DNAH14: variants seen among roughly 807,000 people sequenced by gnomAD.
DNAH14 encodes axonemal beta dynein heavy chain 14.
DNAH14 carries 478 observed loss-of-function variants against 520.9 expected under a neutral mutation model. That is an observed-to-expected ratio of 0.92 (90% confidence interval 0.85 to 0.99). The LOEUF (loss-of-function observed/expected upper bound fraction) is 0.99, where lower values mean the gene tolerates loss of function less well. DNAH14 is among the 50% of genes least tolerant of loss of function. The pLI, the probability that DNAH14 is intolerant of heterozygous loss-of-function variation, is 0.00. For synonymous variants in DNAH14, 1,581 were observed against 1,757.2 expected (o/e 0.90, Z 2.51); for missense variants, 4,831 against 5,234.5 (o/e 0.92, Z 2.38).
At chr1:225,099,843 A>G (rs2075300377) in intron 22 of DNAH14, among the ~76,000 whole-genome samples, 2 of 152,156 alleles carry the variant, frequency 1.3e-5, no homozygotes, top group African/African-American at 4.8e-5. Context: ...GAGGGCATGC[A>G]AGAGGCAAAA....
chr1:225,252,992 A>G (rs2092610427), intron 44 of DNAH14, among the ~76,000 whole-genome samples: 1 of 152,164 alleles, frequency 6.6e-6, no homozygotes, highest in African/African-American at 2.4e-5. Context: ...AAATATTAGA[A>G]ATTTAATAAA....
At chr1:225,029,737 TAA>T (rs34565068) in intron 11 of DNAH14, among the ~76,000 whole-genome samples, 6 of 151,906 alleles carry the variant, frequency 3.9e-5, no homozygotes, top group African/African-American at 1.2e-4. Context: ...AAGTCATCCC[TAA>T]AAAGTGTATC....
At chr1:225,047,383 A>G (rs1347160468) in intron 15 of DNAH14, among the ~76,000 whole-genome samples, 2 of 152,200 alleles carry the variant, frequency 1.3e-5, no homozygotes, top group East Asian at 1.9e-4. Flanking sequence ...GACAGACCAC[A>G]TGGTAGTCCC....
At chr1:225,105,517 G>A (rs898274113) in intron 23 of DNAH14, among the ~76,000 whole-genome samples, 2 of 152,214 alleles carry the variant, frequency 1.3e-5, no homozygotes, top group African/African-American at 4.8e-5. Flanking sequence ...TTGTGTGGGA[G>A]TCTAAGTCTC....
At chr1:224,974,506 A>G (rs1331428266) in intron 8 of DNAH14, among the ~76,000 whole-genome samples, 1 of 152,224 alleles carries the variant, frequency 6.6e-6, no homozygotes, top group East Asian at 1.9e-4. Context: ...TGTTTTTATT[A>G]AACTTTTTAT....
intron 76 of DNAH14, among the ~76,000 whole-genome samples, chr1:225,365,739 C>T (rs1340389078): frequency 1.3e-5 from 2 of 150,512 alleles, no homozygotes; most frequent in African/African-American, 4.9e-5. Flanking sequence ...ACCATGCTCT[C>T]AGACAGCCTT....
chr1:225,206,669 C>G (rs1207086770), intron 40 of DNAH14, among the ~76,000 whole-genome samples: 1 of 152,180 alleles, frequency 6.6e-6, no homozygotes, highest in African/African-American at 2.4e-5. Flanking sequence ...ATGAATAAAT[C>G]TAAGTATAGG....
intron 36 of DNAH14, among the ~76,000 whole-genome samples, chr1:225,182,715 C>T (rs1460626372): frequency 2.0e-5 from 3 of 152,086 alleles, no homozygotes; most frequent in South Asian, 2.1e-4. Flanking sequence ...GGCCCTGCCA[C>T]GATAAAAGAC....
chr1:224,988,258 T>C (rs2062790449), intron 8 of DNAH14, among the ~76,000 whole-genome samples: 1 of 152,210 alleles, frequency 6.6e-6, no homozygotes, highest in South Asian at 2.1e-4. Context: ...TGCATAGTAT[T>C]CCGTGGTGTA....
chr1:225,207,266 TC>T (rs780886361), intron 41 of DNAH14, 46 bp downstream of exon 41: 17 of 1,423,716 alleles, frequency 1.2e-5, no homozygotes, highest in Non-Finnish European at 1.6e-5. Flanking sequence ...TCTTAGCTAG[TC>T]AATGCTAATT....
At chr1:225,229,166 A>G (rs2090850503) in intron 41 of DNAH14, among the ~76,000 whole-genome samples, 1 of 152,214 alleles carries the variant, frequency 6.6e-6, no homozygotes, top group African/African-American at 2.4e-5. Flanking sequence ...TCTCATCTGC[A>G]GTGCTGAGCC....
In DNAH14 at chr1:225,060,419, T is replaced by A. The variant is rs540035280; in HGVS notation, c.2424+8624T>A. ...TTATTCTAGTTAGCCATTTGTCTAA[T>A]TTTTTTTCAAGGGTTTTAACTTCTT... On this transcript the variant is annotated intron_variant, in intron 17 of 85. Coordinates refer to ENST00000682510, the MANE Select transcript of DNAH14 (RefSeq NM_001367479.1). 7.9e-5 allele frequency among the ~76,000 whole-genome samples: 12 copies of A among 152,092 alleles called. No individual in the cohort carries two copies. The East Asian group carries it at 2.3e-3, about 29-fold the overall frequency.
chr1:225,063,095 A>G (rs547466455), intron 17 of DNAH14, among the ~76,000 whole-genome samples: 1 of 150,684 alleles, frequency 6.6e-6, no homozygotes, highest in South Asian at 2.1e-4. Flanking sequence ...TTAAATGAAA[A>G]CATGAACATA....
intron 9 of DNAH14, among the ~76,000 whole-genome samples, chr1:225,004,049 G>A (rs2063973763): frequency 6.6e-6 from 1 of 152,014 alleles, no homozygotes; most frequent in East Asian, 1.9e-4. Flanking sequence ...GAGACCTCAG[G>A]CCATGTCAGC....
intron 23 of DNAH14, among the ~76,000 whole-genome samples, chr1:225,105,255 T>C (rs2075927330): frequency 6.6e-6 from 1 of 152,166 alleles, no homozygotes; most frequent in South Asian, 2.1e-4. Context: ...GAGAGACAGT[T>C]TGTTATAATT....
chr1:225,012,345 G>A (rs1364711167), intron 10 of DNAH14, among the ~76,000 whole-genome samples: 1 of 152,022 alleles, frequency 6.6e-6, no homozygotes, highest in East Asian at 1.9e-4. Context: ...GCTTCCCTTT[G>A]CAGGTAACTC....
chr1:225,352,805 T>A (rs1469454864), intron 72 of DNAH14, among the ~76,000 whole-genome samples: 1 of 152,116 alleles, frequency 6.6e-6, no homozygotes, highest in Non-Finnish European at 1.5e-5. Context: ...TATAGTCAAT[T>A]ATGTCTATTT....
At chr1:225,211,955 G>A (rs890187092) in intron 41 of DNAH14, among the ~76,000 whole-genome samples, 3 of 151,096 alleles carry the variant, frequency 2.0e-5, no homozygotes, top group South Asian at 2.1e-4. Context: ...TGTGCACAAC[G>A]TGCAGGTTTG....
rs187826421 is a variant in DNAH14, at chr1:224,978,685, C to T, written c.830+4532C>T. ...AGACAGAGTCTCACTCTTGCCCAGG[C>T]GGCAGTACAGTTGTGTGATCATAGC... On this transcript the variant is annotated intron_variant, in intron 8 of 85. Coordinates refer to ENST00000682510, the MANE Select transcript of DNAH14 (RefSeq NM_001367479.1). 1.2e-3 allele frequency among the ~76,000 whole-genome samples: 189 copies of T among 152,264 alleles called. 1 individual carries two copies. Among genetic ancestry groups the T allele is most frequent in the East Asian group, 3.5e-3 (18 of 5,176 alleles).
Sources: allele counts gnomAD v4.1 joint callset (sites outside exome capture counted in the v4.1 genomes callset), GRCh38; gene constraint gnomAD v4.1.1; transcripts MANE v1.5; gene names NCBI Gene and HGNC (gene_info 2026-07-23, HGNC 2026-07-21).